The following LPAR5 variants were observed in gnomAD, a reference collection of about 807,000 sequenced individuals.
LPAR5 encodes G protein-coupled receptor 92.
For missense variants in LPAR5, 544 were observed against 521.8 expected (o/e 1.04, Z -0.41); for synonymous variants, 271 against 261.6 (o/e 1.04, Z -0.35).
At position 6,620,866 on chromosome 12, in the gene LPAR5, C is replaced by T. The variant is rs1391656952; in HGVS notation, c.383G>A (p.Arg128Gln). ...GCGGGGCCGCCGCAGGTGGCGCAGTCGCAGCGGGTGCACGATGGCGGCGTA... is the reference window on the plus strand; with the variant it reads ...GCGGGGCCGCCGCAGGTGGCGCAGTTGCAGCGGGTGCACGATGGCGGCGTA... ...DRYAAIVHPL[R>Q]LRHLRRPRVA... is the part of the protein sequence containing the mutation. Residue 128 changes from arginine to glutamine, a missense_variant, in exon 2 of 2, where the codon CGA becomes CAA. By Grantham distance (43) the Arg-to-Gln change is conservative. Coordinates refer to ENST00000329858, the MANE Select transcript of LPAR5 (RefSeq NM_020400.6). This position sits in a 1 kb window ranked among gnomAD's most constrained non-coding sequence, Gnocchi z 6.8. 6.4e-7 allele frequency: 1 copy of T among 1,568,018 alleles called. No individual in the cohort carries two copies. The highest frequency in any genetic ancestry group is 8.6e-7 in the Non-Finnish European group (1 of 1,156,260).
intron 1 of LPAR5, among the ~76,000 whole-genome samples, chr12:6,629,093 G>A (rs1948964917): frequency 6.8e-6 from 1 of 147,778 alleles, no homozygotes; most frequent in Non-Finnish European, 1.5e-5. Context: ...AAGTTACAAT[G>A]TACCGGGCAC....
In LPAR5 at chr12:6,621,181, C is replaced by T. The variant is rs368795459; in HGVS notation, c.68G>A (p.Arg23His). 2.4e-5 allele frequency: 37 copies of T among 1,567,590 alleles called. No individual in the cohort carries two copies. The highest frequency in any genetic ancestry group is 9.4e-5 in the Admixed American group (5 of 53,220). ...LPCPDYRPTH[R>H]LHLVVYSLVL... The stretch of plus-strand genomic sequence containing the variant: ...CAAGCTGTAGACCACCAAGTGCAGG[C>T]GGTGGGTAGGTCGGTAGTCAGGACA... Residue 23 changes from arginine (R) to histidine (H), a missense_variant, in exon 2 of 2, where the codon CGC becomes CAC. Transcript: ENST00000329858.
intron 1 of LPAR5, among the ~76,000 whole-genome samples, chr12:6,634,093 C>T (rs775454112): frequency 3.3e-5 from 5 of 151,996 alleles, no homozygotes; most frequent in Non-Finnish European, 5.9e-5. Flanking sequence ...GCAACCTCCG[C>T]CTCCCGGGTT....
At chr12:6,622,623 C>T (rs1166917944) in intron 1 of LPAR5, among the ~76,000 whole-genome samples, 1 of 149,484 alleles carries the variant, frequency 6.7e-6, no homozygotes, top group Non-Finnish European at 1.5e-5. Flanking sequence ...TGGTGGCAGG[C>T]GCCTGTAATC....
At chr12:6,633,184 C>T (rs568008510) in intron 1 of LPAR5, among the ~76,000 whole-genome samples, 48 of 152,264 alleles carry the variant, frequency 3.2e-4, no homozygotes, top group African/African-American at 1.0e-3. Context: ...CTTTCGAGAG[C>T]TGGAAAAGCA....
At position 6,620,278 on chromosome 12, in the gene LPAR5, C is replaced by T. The variant is rs964730840; in HGVS notation, c.971G>A (p.Gly324Glu). The T allele has an allele frequency of 2.5e-6, 4 of 1,605,912 alleles. No individual in the cohort carries two copies. The highest frequency in any genetic ancestry group is 3.4e-6 in the Non-Finnish European group (4 of 1,176,276). The stretch of plus-strand genomic sequence containing the variant: ...GGATTGCGCGAGCGCCGCCCGCGTC[C>T]CGTTGGTGGCCGAGGTCCTGGCCCG... ...PHRARTSATN[G>E]TRAALAQSER... The change falls in exon 2 of 2, where the codon GGG (glycine) becomes GAG (glutamate). Residue 324 changes from glycine to glutamate, a missense_variant. Physicochemically the swap from Gly to Glu is moderately conservative, Grantham distance 98 (BLOSUM62 -2). Coordinates refer to ENST00000329858, the MANE Select transcript of LPAR5 (RefSeq NM_020400.6). The surrounding 1 kb of genome is among the most constrained non-coding windows in gnomAD (Gnocchi z 6.8).
Position 6,620,824 on chromosome 12 carries a change from C to T in LPAR5, c.425G>A (p.Cys142Tyr). Residue 142 changes from cysteine (C) to tyrosine (Y), a missense_variant, in exon 2 of 2, where the codon TGC becomes TAC. Cys to Tyr is a radical substitution (Grantham distance 194). Transcript: ENST00000329858. The surrounding 1 kb of genome is among the most constrained non-coding windows in gnomAD (Gnocchi z 6.8). ...CAGGATGAGCGCCCACACGCCCAGGCAGAGCAGCCGCGCCACGCGGGGCCG... is the reference window on the plus strand; with the variant it reads ...CAGGATGAGCGCCCACACGCCCAGGTAGAGCAGCCGCGCCACGCGGGGCCG... ...LRRPRVARLLCLGVWALILVF... is the reference protein window; with the variant it reads ...LRRPRVARLLYLGVWALILVF... The T allele has an allele frequency of 6.4e-7, 1 of 1,562,618 alleles. No homozygotes were observed. Among genetic ancestry groups the T allele is most frequent in the Non-Finnish European group, 8.7e-7 (1 of 1,153,598 alleles).
chr12:6,630,480 A>T (rs1227301087), intron 1 of LPAR5, among the ~76,000 whole-genome samples: 3 of 70,178 alleles, frequency 4.3e-5, no homozygotes, highest in Admixed American at 2.1e-4. Flanking sequence ...TTTGAGACGG[A>T]GTCTCCCCGT....
intron 1 of LPAR5, among the ~76,000 whole-genome samples, chr12:6,632,549 TC>T (rs1284549448): frequency 7.9e-5 from 12 of 152,104 alleles, no homozygotes; most frequent in Non-Finnish European, 1.3e-4. Flanking sequence ...ATGCACCCTT[TC>T]CCCACAGACA....
intron 1 of LPAR5, among the ~76,000 whole-genome samples, chr12:6,632,920 G>A (rs1277235622): frequency 2.0e-5 from 3 of 152,050 alleles, no homozygotes; most frequent in African/African-American, 7.2e-5. Context: ...CCTCCTCCCT[G>A]GCCCAGGCCT....
chr12:6,624,866 C>T (rs768827591), intron 1 of LPAR5, among the ~76,000 whole-genome samples: 8 of 152,078 alleles, frequency 5.3e-5, no homozygotes, highest in Non-Finnish European at 1.2e-4. Context: ...GTGATCCACC[C>T]GGCTCGGCCT....
At chr12:6,631,785 T>C (rs1948982174) in intron 1 of LPAR5, 1 of 152,228 alleles carries the variant, frequency 6.6e-6, no homozygotes, top group Admixed American at 6.5e-5. Flanking sequence ...ATCCAGCCTC[T>C]TGGGCAAATG....
intron 1 of LPAR5, among the ~76,000 whole-genome samples, chr12:6,626,814 C>T (rs532536256): frequency 2.0e-4 from 31 of 152,326 alleles, no homozygotes; most frequent in Admixed American, 6.5e-4. Context: ...CAACACAAGG[C>T]GGATGTGGTA....
At chr12:6,631,855 G>A (rs534178243) in intron 1 of LPAR5, among the ~76,000 whole-genome samples, 5 of 152,236 alleles carry the variant, frequency 3.3e-5, no homozygotes, top group Non-Finnish European at 7.3e-5. Context: ...AAGGGCAGGG[G>A]CAGGGGAATG....
chr12:6,622,586 T>TA lies in LPAR5; in HGVS notation c.-216-1123dup, dbSNP rs746868792. ...CAACATGGCAAAATCCTGTCTCTAC[T>TA]AAAAAAAAAAAAAAATTAGCCGGGC... On this transcript the variant is annotated intron_variant, in intron 1 of 1. Coordinates refer to ENST00000329858, the MANE Select transcript of LPAR5 (RefSeq NM_020400.6). Among the ~76,000 whole-genome samples the TA allele has an allele frequency of 4.0e-3, 443 of 109,590 alleles. 3 individuals carry two copies. The highest frequency in any genetic ancestry group is 0.01 in the African/African-American group (296 of 29,274). The allele number at this position is 109,590 out of a possible 152,430, so 71.9% of individuals were successfully genotyped here.
chr12:6,626,977 A>G (rs1248901644), intron 1 of LPAR5, among the ~76,000 whole-genome samples: 1 of 152,154 alleles, frequency 6.6e-6, no homozygotes, highest in Admixed American at 6.5e-5. Flanking sequence ...GTGTATTCTC[A>G]GCACCTACCT....
Position 6,619,773 on chromosome 12 carries a change from T to A in LPAR5, c.*357A>T. On this transcript the variant is annotated 3_prime_UTR_variant, in exon 2 of 2. Transcript: ENST00000329858. ...TTCAGCTCTCAGGCCCCTGTGGCGG[T>A]TTAGATCCAGAATGCCCATTTTCTG... The A allele has an allele frequency of 2.5e-6, 1 of 400,482 alleles. No individual in the cohort carries two copies. The highest frequency in any genetic ancestry group is 2.0e-5 in the South Asian group (1 of 49,400). 24.8% of individuals were successfully genotyped at this position (400,482 alleles called of 1,614,324 possible).
chr12:6,620,377 A>T lies in LPAR5; in HGVS notation c.872T>A (p.Val291Glu), dbSNP rs1467559126. Residue 291 changes from valine to glutamate, a missense_variant, in exon 2 of 2, where the codon GTG becomes GAG. Coordinates refer to ENST00000329858, the MANE Select transcript of LPAR5 (RefSeq NM_020400.6). The surrounding 1 kb of genome is among the most constrained non-coding windows in gnomAD (Gnocchi z 6.8). ...VMVLLAGANC[V>E]LDPLVYYFSA... ...AAAGTAGTACACCAGCGGGTCCAGC[A>T]CGCAGTTGGCGCCGGCCAGCAGCAC... The T allele has an allele frequency of 6.2e-7, 1 of 1,611,756 alleles. No individual in the cohort carries two copies. The highest frequency in any genetic ancestry group is 2.2e-5 in the East Asian group (1 of 44,810).
At chr12:6,630,694 C>T (rs1346786249) in intron 1 of LPAR5, among the ~76,000 whole-genome samples, 13 of 151,928 alleles carry the variant, frequency 8.6e-5, no homozygotes, top group Non-Finnish European at 1.8e-4. Context: ...TGAGTTGATC[C>T]ACCCGGCTCG....
Sources: allele counts gnomAD v4.1 joint callset (sites outside exome capture counted in the v4.1 genomes callset), GRCh38; gene constraint gnomAD v4.1.1; non-coding constraint Gnocchi (gnomAD v3.1); transcripts MANE v1.5; gene names NCBI Gene and HGNC (gene_info 2026-07-23, HGNC 2026-07-21).